The following CMIP variants were observed in gnomAD, a reference collection of about 807,000 sequenced individuals.
CMIP encodes C-Maf-inducing protein.
CMIP carries 13 observed loss-of-function variants against 97.3 expected under a neutral mutation model. That is an observed-to-expected ratio of 0.13 (90% confidence interval 0.09 to 0.21). The LOEUF (loss-of-function observed/expected upper bound fraction) is 0.21. CMIP is among the 10% of genes least tolerant of loss of function. The pLI, the probability that CMIP is intolerant of heterozygous loss-of-function variation, is 1.00. For missense variants in CMIP, 847 were observed against 1,024.9 expected (o/e 0.83, Z 2.37); for synonymous variants, 538 against 436.3 (o/e 1.23, Z -2.91).
At chr16:81,705,257 C>T (rs983556517) in intron 18 of CMIP, among the ~76,000 whole-genome samples, 18 of 152,236 alleles carry the variant, frequency 1.2e-4, no homozygotes, top group Non-Finnish European at 2.4e-4. Flanking sequence ...GGAGGCAAAA[C>T]TGACTCCAAG....
intron 1 of CMIP, among the ~76,000 whole-genome samples, chr16:81,459,203 G>A (rs1180364490): frequency 1.3e-5 from 2 of 152,154 alleles, no homozygotes; most frequent in East Asian, 1.9e-4. Context: ...AGGAATACCC[G>A]ATGTCAATAA....
intron 1 of CMIP, among the ~76,000 whole-genome samples, chr16:81,596,858 G>C (rs886604162): frequency 1.3e-5 from 2 of 152,248 alleles, no homozygotes; most frequent in African/African-American, 4.8e-5. Flanking sequence ...ACAGACTCAG[G>C]TGCACCTCTT....
chr16:81,476,481 G>A (rs1234083408), intron 1 of CMIP: 8 of 754,520 alleles, frequency 1.1e-5, no homozygotes, highest in Admixed American at 7.1e-5. Context: ...AGGGCTCGCC[G>A]TTGACAGCGA....
intron 1 of CMIP, among the ~76,000 whole-genome samples, chr16:81,527,621 G>C (rs528319493): frequency 6.6e-6 from 1 of 152,146 alleles, no homozygotes; most frequent in Non-Finnish European, 1.5e-5. Flanking sequence ...CCTCCCCCGC[G>C]ATAACTCTCC....
chr16:81,560,688 C>A (rs904321661), intron 1 of CMIP, among the ~76,000 whole-genome samples: 1 of 152,170 alleles, frequency 6.6e-6, no homozygotes, highest in Non-Finnish European at 1.5e-5. Context: ...ATGCTCTGTA[C>A]AGGTAAATCG....
At chr16:81,576,921 TCAC>T (rs1009839271) in intron 1 of CMIP, among the ~76,000 whole-genome samples, 1 of 152,056 alleles carries the variant, frequency 6.6e-6, no homozygotes, top group African/African-American at 2.4e-5. Flanking sequence ...GATCACATCA[TCAC>T]CACCACCACA....
chr16:81,582,945 G>A (rs1202425252), intron 1 of CMIP, among the ~76,000 whole-genome samples: 3 of 152,182 alleles, frequency 2.0e-5, no homozygotes, highest in South Asian at 4.1e-4. Flanking sequence ...AGCTCCTGAC[G>A]GTGGCAGTGT....
rs182804390 is a variant in CMIP at position 81,573,203 on chromosome 16, G to T, written c.301-34364G>T. ...TACTAAAAATACAAACGTTAGCCGG[G>T]CGTGGTGGCGGGCACCTGTAATACC... On this transcript the variant is annotated intron_variant, in intron 1 of 20. Transcript: ENST00000537098. Among the ~76,000 whole-genome samples, 9 of 152,280 alleles carry T rather than the reference G, an allele frequency of 5.9e-5. No individual in the cohort carries two copies. The East Asian group carries it at 1.7e-3, about 29-fold the overall frequency.
chr16:81,479,430 C>G (rs561397473), intron 1 of CMIP, among the ~76,000 whole-genome samples: 49 of 152,194 alleles, frequency 3.2e-4, no homozygotes, highest in Non-Finnish European at 5.0e-4. Context: ...GTTGCACAAC[C>G]ATCACCCCCA....
At position 81,655,367 on chromosome 16, in the gene CMIP, C is replaced by T. The variant is rs548941946; in HGVS notation, c.640-2408C>T. Among the ~76,000 whole-genome samples, 4 of 152,222 alleles carry T rather than the reference C, an allele frequency of 2.6e-5. No individual in the cohort carries two copies. Among genetic ancestry groups the T allele is most frequent in the South Asian group, 2.1e-4 (1 of 4,814 alleles). On this transcript the variant is annotated intron_variant, in intron 4 of 20. Transcript: ENST00000537098. This position sits in a 1 kb window ranked among gnomAD's most constrained non-coding sequence, Gnocchi z 4.9. ...GCATCGTGGAGGGAGCTGCTAAGGA[C>T]GCAAAACAGTTCCGAGAAAGAACTG...
chr16:81,689,834 A>T (rs898467718), intron 10 of CMIP, among the ~76,000 whole-genome samples: 9 of 152,312 alleles, frequency 5.9e-5, no homozygotes, highest in African/African-American at 2.2e-4. Context: ...TTTTTGCATA[A>T]GGTGTAAGGA....
intron 9 of CMIP, 117 bp from the exon 10 acceptor site, chr16:81,678,158 T>C: frequency 1.4e-6 from 1 of 705,756 alleles, no homozygotes; most frequent in African/African-American, 1.8e-5. Context: ...ACAGGAATGA[T>C]GATAGTATTA....
chr16:81,670,599 G>C (rs559813608), intron 8 of CMIP, among the ~76,000 whole-genome samples: 52 of 128,310 alleles, frequency 4.1e-4, no homozygotes, highest in Admixed American at 8.5e-4. Context: ...GGTTCTTGGG[G>C]TTGGTGTTTT....
intron 1 of CMIP, among the ~76,000 whole-genome samples, chr16:81,497,655 G>A (rs1027235488): frequency 1.3e-5 from 2 of 152,226 alleles, no homozygotes; most frequent in Non-Finnish European, 2.9e-5. Context: ...GGGCAGCCGA[G>A]GTCTTGTTAA....
chr16:81,463,240 C>A (rs1003412549), intron 1 of CMIP, among the ~76,000 whole-genome samples: 1 of 152,152 alleles, frequency 6.6e-6, no homozygotes, highest in African/African-American at 2.4e-5. Flanking sequence ...TCCTCATTGT[C>A]TTTGTTTCTC....
chr16:81,572,307 A>T (rs961213379), intron 1 of CMIP, among the ~76,000 whole-genome samples: 1 of 152,198 alleles, frequency 6.6e-6, no homozygotes, highest in Admixed American at 6.5e-5. Context: ...CTGAGCAGCG[A>T]TTGGCCCTTG....
chr16:81,589,718 T>A, intron 1 of CMIP, among the ~76,000 whole-genome samples: 1 of 152,236 alleles, frequency 6.6e-6, no homozygotes, highest in Non-Finnish European at 1.5e-5. Flanking sequence ...AAAGTTTTTG[T>A]TGAACCAGAT....
chr16:81,640,953 C>G (rs1051601300), intron 3 of CMIP, among the ~76,000 whole-genome samples: 5 of 152,134 alleles, frequency 3.3e-5, no homozygotes, highest in African/African-American at 1.2e-4. Flanking sequence ...CAGTCCAACC[C>G]ACAACACCAG....
intron 1 of CMIP, among the ~76,000 whole-genome samples, chr16:81,591,934 C>T (rs2091472753): frequency 6.6e-6 from 1 of 151,786 alleles, no homozygotes; most frequent in African/African-American, 2.4e-5. Context: ...AAGTATCCTC[C>T]TGCCTCAGCC....
Sources: allele counts gnomAD v4.1 joint callset (sites outside exome capture counted in the v4.1 genomes callset), GRCh38; gene constraint gnomAD v4.1.1; non-coding constraint Gnocchi (gnomAD v3.1); transcripts MANE v1.5; gene names NCBI Gene and HGNC (gene_info 2026-07-23, HGNC 2026-07-21).